The following VPS35L variants were observed in gnomAD, a reference collection of about 807,000 sequenced individuals.
The protein encoded by VPS35L is VPS35 endosomal protein sorting factor like.
VPS35L carries 83 observed loss-of-function variants against 133.0 expected under a neutral mutation model. The observed-to-expected ratio is 0.62, with a 90% CI of 0.52 to 0.75. The LOEUF is 0.75. VPS35L is among the 30% of genes least tolerant of loss of function. The pLI is 0.00. For missense variants in VPS35L, 1,083 were observed against 1,206.8 expected, an observed-to-expected ratio of 0.90 and a Z score of 1.52; for synonymous variants, 423 against 449.9, an observed-to-expected ratio of 0.94 and a Z score of 0.76.
intron 26 of VPS35L, among the ~76,000 whole-genome samples, chr16:19,653,802 T>A (rs896025020): frequency 3.9e-5 from 6 of 152,198 alleles, no homozygotes; most frequent in Non-Finnish European, 5.9e-5. Context: ...GTTTTGGGGA[T>A]CATCTGTGTC....
At position 19,699,660 on chromosome 16, in the gene VPS35L, G is replaced by A. The variant is rs367872309; in HGVS notation, c.2793+12G>A. 2.7e-5 allele frequency: 44 copies of A among 1,612,104 alleles called. No individual in the cohort carries two copies. Among genetic ancestry groups the A allele is most frequent in the South Asian group, 1.4e-4 (13 of 91,070 alleles). On this transcript the variant is annotated intron_variant, in intron 30 of 30. Transcript: ENST00000417362. This position sits in a 1 kb window ranked among gnomAD's most constrained non-coding sequence, Gnocchi z 4.2. ...ACACCAGGACCATGGTGAGGCGCTC[G>A]GAGGGCCCCGTGGTATAAGCCCACT...
intron 12 of VPS35L, among the ~76,000 whole-genome samples, chr16:19,610,708 G>A (rs1231726957): frequency 6.6e-6 from 1 of 152,166 alleles, no homozygotes; most frequent in Non-Finnish European, 1.5e-5. Context: ...TGCTGGGAAG[G>A]AGGTTCCCAG....
At chr16:19,574,261 T>C (rs946591938) in intron 4 of VPS35L, among the ~76,000 whole-genome samples, 28 of 152,134 alleles carry the variant, frequency 1.8e-4, no homozygotes, top group African/African-American at 6.0e-4. Context: ...TCCTCGGCTG[T>C]GTTGAGTGTT....
chr16:19,581,554 T>G lies in VPS35L; in HGVS notation c.540T>G (p.Thr180=). ...EGSQKELLNL[T]QQDYVNRIEE... is the part of the protein sequence containing the mutation. ...CCCAAAAGGAGCTGTTGAACTTGAC[T>G]CAGCAGGATTACGTGAACCGCATAG... The change falls in exon 7 of 31, where the codon ACT becomes ACG. Residue 180 remains threonine (T), a synonymous_variant. Transcript: ENST00000417362. 9 of 1,609,322 alleles carry G rather than the reference T, an allele frequency of 5.6e-6. No individual in the cohort carries two copies. Among genetic ancestry groups the G allele is most frequent in the Non-Finnish European group, 7.6e-6 (9 of 1,177,632 alleles).
intron 9 of VPS35L, among the ~76,000 whole-genome samples, chr16:19,607,241 C>T (rs1439804117): frequency 3.9e-5 from 6 of 152,164 alleles, no homozygotes; most frequent in East Asian, 1.9e-4. Context: ...AGGTCAGGGC[C>T]GATGGGCCAG....
Position 19,629,787 on chromosome 16 carries a change from A to C in VPS35L, c.1521A>C (p.Glu507Asp), listed in dbSNP as rs1305023091. 7.4e-6 allele frequency: 12 copies of C among 1,613,846 alleles called. No homozygotes were observed. The highest frequency in any genetic ancestry group is 1.0e-5 in the Non-Finnish European group (12 of 1,179,844). The change falls in exon 18 of 31, where the codon GAA (glutamate) becomes GAC (aspartate). Residue 507 changes from glutamate (E) to aspartate (D), a missense_variant. Glu to Asp is a conservative substitution (Grantham distance 45). Transcript: ENST00000417362. ...TGTAGGACTACATTAATTGTGCCGA[A>C]GTGTGGGTGGAATACACCTGCAAGC... ...KNPQDYINCA[E>D]VWVEYTCKHF...
intron 24 of VPS35L, among the ~76,000 whole-genome samples, 195 bp from the exon 25 acceptor site, chr16:19,650,187 G>A (rs1372836232): frequency 2.0e-5 from 3 of 152,138 alleles, no homozygotes; most frequent in African/African-American, 7.2e-5. Context: ...CCCTCTTGGA[G>A]ATGTTTGCTC....
chr16:19,679,460 T>A (rs1321543067), intron 27 of VPS35L, among the ~76,000 whole-genome samples: 1 of 144,638 alleles, frequency 6.9e-6, no homozygotes, highest in Non-Finnish European at 1.5e-5. Flanking sequence ...TTGCCCAGGT[T>A]AAGAACAATT....
chr16:19,566,620 C>T (rs1354277404), intron 2 of VPS35L, among the ~76,000 whole-genome samples: 2 of 152,140 alleles, frequency 1.3e-5, no homozygotes, highest in African/African-American at 4.8e-5. Context: ...AGCACAGTCA[C>T]GTGGTAGAAG....
At chr16:19,640,857 C>T (rs1973765359) in intron 21 of VPS35L, among the ~76,000 whole-genome samples, 1 of 152,058 alleles carries the variant, frequency 6.6e-6, no homozygotes, top group South Asian at 2.1e-4. Flanking sequence ...GGTGATCCTC[C>T]CACCTCAGCC....
At position 19,585,591 on chromosome 16, in the gene VPS35L, G is replaced by A. The variant is rs542170218; in HGVS notation, c.639+3938G>A. ...TTATTTAAAATTTTTTTTTTGTAGAGACAGGGCCATGCTGTGTTGCTCAGT... is the reference window on the plus strand; with the variant it reads ...TTATTTAAAATTTTTTTTTTGTAGAAACAGGGCCATGCTGTGTTGCTCAGT... On this transcript the variant is annotated intron_variant, in intron 7 of 30. Coordinates refer to ENST00000417362, the MANE Select transcript of VPS35L (RefSeq NM_020314.7). 4.6e-5 allele frequency among the ~76,000 whole-genome samples: 7 copies of A among 151,652 alleles called. No homozygotes were observed. In the South Asian group the frequency reaches 6.3e-4, roughly 14 times the overall value.
At chr16:19,679,165 G>A (rs917717132) in intron 27 of VPS35L, among the ~76,000 whole-genome samples, 34 of 137,922 alleles carry the variant, frequency 2.5e-4, no homozygotes, top group Non-Finnish European at 5.2e-4. Flanking sequence ...GCGGGGGGGC[G>A]GGGAGGTTCC....
At chr16:19,690,941 G>A (rs1433843240) in intron 28 of VPS35L, among the ~76,000 whole-genome samples, 6 of 150,742 alleles carry the variant, frequency 4.0e-5, no homozygotes, top group African/African-American at 1.5e-4. Context: ...CAGCCTGGGT[G>A]ACAGAGAGAG....
chr16:19,577,077 AG>A (rs1971563198), intron 5 of VPS35L, among the ~76,000 whole-genome samples: 1 of 152,234 alleles, frequency 6.6e-6, no homozygotes, highest in Non-Finnish European at 1.5e-5. Context: ...AAGATCAAAT[AG>A]AGTGATGATA....
chr16:19,695,962 C>G (rs931164674), intron 29 of VPS35L, among the ~76,000 whole-genome samples: 1 of 152,018 alleles, frequency 6.6e-6, no homozygotes, highest in Admixed American at 6.6e-5. Flanking sequence ...TTTCAGCTGA[C>G]TGCAACCTCC....
chr16:19,662,492 C>T (rs557124104), intron 26 of VPS35L, among the ~76,000 whole-genome samples: 2 of 152,282 alleles, frequency 1.3e-5, no homozygotes, highest in Admixed American at 6.5e-5. Flanking sequence ...CTCCATAAGC[C>T]GGCAAAGTTC....
chr16:19,670,160 G>A (rs942650515), intron 27 of VPS35L, among the ~76,000 whole-genome samples: 1 of 152,218 alleles, frequency 6.6e-6, no homozygotes, highest in African/African-American at 2.4e-5. Flanking sequence ...GCAAGGGCAA[G>A]CTCTCCGGCC....
Position 19,628,626 on chromosome 16 carries a change from A to G in VPS35L, c.1384-11A>G. ...AATTTCCATAACATGATGGTTTGAC[A>G]TGTTTCTTAGCATCTTCTTTTTCGA... is the stretch of plus-strand genomic sequence containing the variant. On this transcript the variant is annotated splice_polypyrimidine_tract_variant and intron_variant, in intron 16 of 30. Transcript: ENST00000417362. The G allele has an allele frequency of 1.4e-6, 2 of 1,445,272 alleles. No individual in the cohort carries two copies. Among genetic ancestry groups the G allele is most frequent in the Non-Finnish European group, 9.6e-7 (1 of 1,038,436 alleles). The allele number at this position is 1,445,272 out of a possible 1,614,324, so 89.5% of individuals were successfully genotyped here.
chr16:19,618,921 GT>G (rs112519752), intron 14 of VPS35L, among the ~76,000 whole-genome samples: 2,261 of 137,720 alleles, frequency 0.016, 25 homozygotes, highest in Non-Finnish European at 0.024. Context: ...TTGCCTATCT[GT>G]TTTTTTTTTT....
Sources: gnomAD v4.1 joint callset for allele counts (sites outside exome capture counted in the v4.1 genomes callset) on GRCh38, gnomAD v4.1.1 for gene constraint, Gnocchi (gnomAD v3.1) non-coding constraint, MANE v1.5 for transcripts, NCBI Gene and HGNC (gene_info 2026-07-23, HGNC 2026-07-21) for gene names.